Variants in STARD3NL observed in about 807,000 individuals in gnomAD.
The protein encoded by STARD3NL is STARD3 N-terminal like.
STARD3NL carries 17 observed loss-of-function variants against 30.9 expected under a neutral mutation model. The observed-to-expected ratio is 0.55, with a 90% confidence interval of 0.38 to 0.82. STARD3NL has a LOEUF of 0.82. Ranked by LOEUF, STARD3NL falls within the 40% of genes least tolerant of loss-of-function variation. STARD3NL has a pLI of 0.00. For missense variants in STARD3NL, 234 were observed against 277.6 expected (o/e 0.84, Z 1.12); for synonymous variants, 112 against 100.5 (o/e 1.11, Z -0.69).
chr7:38,220,546 G>A (rs1048961111), intron 7 of STARD3NL, among the ~76,000 whole-genome samples: 2 of 152,206 alleles, frequency 1.3e-5, no homozygotes, highest in African/African-American at 4.8e-5. Context: ...GGGTGAGAAT[G>A]TAAAATGGTA....
chr7:38,219,499 T>A (rs1429248545), intron 6 of STARD3NL, 66 bp from the exon 7 acceptor site: 1 of 1,164,974 alleles, frequency 8.6e-7, no homozygotes, highest in Non-Finnish European at 1.3e-6. Flanking sequence ...TTATTTTACT[T>A]AATCTTGCCA....
intron 2 of STARD3NL, among the ~76,000 whole-genome samples, chr7:38,209,371 C>T (rs868416167): frequency 6.6e-6 from 1 of 152,086 alleles, no homozygotes; most frequent in Non-Finnish European, 1.5e-5. Flanking sequence ...CAACTGCCAC[C>T]TCCTGGGTTC....
chr7:38,227,300 C>T (rs1786827055), intron 7 of STARD3NL, among the ~76,000 whole-genome samples: 1 of 152,178 alleles, frequency 6.6e-6, no homozygotes, highest in Admixed American at 6.5e-5. Context: ...CTTCCTCATC[C>T]TCCTTCCACA....
rs1188895987 is a variant in STARD3NL at position 38,217,068 on chromosome 7, T to A, written c.425T>A (p.Ile142Asn). The change falls in exon 5 of 9, where the codon ATC becomes AAC. Residue 142 changes from isoleucine to asparagine, a missense_variant. Transcript: ENST00000009041. ...AGTGCCTTTTTACTAGCAAAAGTGA[T>A]CCTTTCGAAGGTATGGCCTACCACT... Reference protein sequence around the residue: ...VTSAFLLAKVILSKLFSQGAF... With the variant: ...VTSAFLLAKVNLSKLFSQGAF... 1 of 1,614,010 alleles carries A rather than the reference T, an allele frequency of 6.2e-7. No homozygotes were observed. Among genetic ancestry groups the A allele is most frequent in the Non-Finnish European group, 8.5e-7 (1 of 1,179,974 alleles).
chr7:38,192,119 T>G (rs1784711814), intron 1 of STARD3NL, among the ~76,000 whole-genome samples: 1 of 152,228 alleles, frequency 6.6e-6, no homozygotes, highest in Admixed American at 6.5e-5. Context: ...AATTTATTCC[T>G]TAGTGTTTTG....
chr7:38,209,081 C>T (rs1210948752), intron 2 of STARD3NL, among the ~76,000 whole-genome samples: 1 of 152,118 alleles, frequency 6.6e-6, no homozygotes, highest in Non-Finnish European at 1.5e-5. Context: ...GATTTTTCTT[C>T]TGTTAATTTT....
At chr7:38,208,836 C>G (rs1240033679) in intron 2 of STARD3NL, among the ~76,000 whole-genome samples, 1 of 152,166 alleles carries the variant, frequency 6.6e-6, no homozygotes, top group Non-Finnish European at 1.5e-5. Flanking sequence ...CTTTTAACAG[C>G]AAGAAGCAGC....
At chr7:38,204,662 ACAAAAAACCCTT>A (rs1002598752) in intron 1 of STARD3NL, among the ~76,000 whole-genome samples, 3 of 152,242 alleles carry the variant, frequency 2.0e-5, no homozygotes, top group African/African-American at 7.2e-5. Flanking sequence ...AGGTAGAGAC[ACAAAAAACCCTT>A]CAAAAAATCA....
chr7:38,189,874 A>G (rs544399467), intron 1 of STARD3NL, among the ~76,000 whole-genome samples: 96 of 152,190 alleles, frequency 6.3e-4, no homozygotes, highest in Non-Finnish European at 1.1e-3. Flanking sequence ...GAATTTTTAT[A>G]CAAAGGTACG....
chr7:38,215,121 A>G lies in STARD3NL; in HGVS notation c.381+16A>G. ...GGCAATAGCGGTGAGTATGCCCTGC[A>G]TGAGTGGGTCATCTCCTCCAGTGCT... On this transcript the variant is annotated intron_variant, in intron 4 of 8. Transcript: ENST00000009041. 1 of 1,612,936 alleles carries G rather than the reference A, an allele frequency of 6.2e-7. No individual in the cohort carries two copies. The highest frequency in any genetic ancestry group is 8.5e-7 in the Non-Finnish European group (1 of 1,179,086).
chr7:38,217,704 C>A (rs1473731293), intron 6 of STARD3NL, among the ~76,000 whole-genome samples: 1 of 152,104 alleles, frequency 6.6e-6, no homozygotes, highest in Non-Finnish European at 1.5e-5. Flanking sequence ...GAAAATAAAA[C>A]CAATTTTAAG....
chr7:38,196,704 A>G (rs1344169668), intron 1 of STARD3NL, among the ~76,000 whole-genome samples: 1 of 152,034 alleles, frequency 6.6e-6, no homozygotes, highest in Non-Finnish European at 1.5e-5. Context: ...GCCTTATAGA[A>G]TTTTTCACAT....
Position 38,219,706 on chromosome 7 carries a change from G to T in STARD3NL, c.649+46G>T, listed in dbSNP as rs367679389. The T allele has an allele frequency of 7.3e-6, 11 of 1,505,260 alleles. No individual in the cohort carries two copies. In the African/African-American group the frequency reaches 1.1e-4, roughly 15 times the overall value. The allele number at this position is 1,505,260 out of a possible 1,614,324, so 93.2% of individuals were successfully genotyped here. ...TTGTGCTTGTATCTCTCATTCAAAGGCTCTGCTCTTCCTTCCTTTCCCTAC... is the reference window on the plus strand; with the variant it reads ...TTGTGCTTGTATCTCTCATTCAAAGTCTCTGCTCTTCCTTCCTTTCCCTAC... On this transcript the variant is annotated intron_variant, in intron 7 of 8. Coordinates refer to ENST00000009041, the MANE Select transcript of STARD3NL (RefSeq NM_032016.4).
chr7:38,212,585 G>C (rs1785870735), intron 2 of STARD3NL, among the ~76,000 whole-genome samples: 1 of 152,200 alleles, frequency 6.6e-6, no homozygotes, highest in Non-Finnish European at 1.5e-5. Context: ...GTGCGTAGTA[G>C]ATGCTCAGCA....
chr7:38,223,528 G>A (rs950721177), intron 7 of STARD3NL, among the ~76,000 whole-genome samples: 4 of 152,184 alleles, frequency 2.6e-5, no homozygotes, highest in Non-Finnish European at 5.9e-5. Context: ...GTCTAGATAA[G>A]GCATTCATTA....
chr7:38,215,509 AC>A (rs1408797393), intron 4 of STARD3NL: 2 of 167,944 alleles, frequency 1.2e-5, no homozygotes, highest in African/African-American at 4.8e-5. Context: ...TAATTGCCTT[AC>A]CCCCTCCTTT....
chr7:38,184,829 T>C (rs1784396311), intron 1 of STARD3NL, among the ~76,000 whole-genome samples: 2 of 146,824 alleles, frequency 1.4e-5, no homozygotes, highest in Non-Finnish European at 3.0e-5. Flanking sequence ...CATATATATA[T>C]AGGCAGCATA....
intron 1 of STARD3NL, chr7:38,201,720 A>ACG: frequency 6.7e-6 from 1 of 150,056 alleles, no homozygotes; most frequent in Admixed American, 6.7e-5. Flanking sequence ...ACAGGGTCTT[A>ACG]CTCTGTTGCC....
intron 4 of STARD3NL, 78 bp from the exon 5 acceptor site, chr7:38,216,947 G>A (rs374065629): frequency 1.6e-5 from 25 of 1,546,388 alleles, no homozygotes; most frequent in South Asian, 9.2e-5. Context: ...TGGCTCAGAC[G>A]GGTCTCTTGT....
Sources: gnomAD v4.1 joint callset for allele counts (sites outside exome capture counted in the v4.1 genomes callset) on GRCh38, gnomAD v4.1.1 for gene constraint, MANE v1.5 for transcripts, NCBI Gene and HGNC (gene_info 2026-07-23, HGNC 2026-07-21) for gene names.